LOXL2: variants seen among roughly 807,000 people sequenced by gnomAD.
The protein encoded by LOXL2 is lysyl oxidase homolog 2.
In LOXL2, 70 loss-of-function variants were observed where a neutral mutation model predicts 93.0. The observed-to-expected ratio is 0.75, with a 90% CI of 0.62 to 0.92. The LOEUF is 0.92. LOXL2 is among the 40% of genes least tolerant of loss of function. LOXL2 has a pLI of 0.00. For missense variants in LOXL2, 973 were observed against 1,054.9 expected (o/e 0.92, Z 1.08); for synonymous variants, 438 against 413.2 (o/e 1.06, Z -0.73).
chr8:23,342,056 G>A lies in LOXL2; in HGVS notation c.532-853C>T, dbSNP rs184214197. Among the ~76,000 whole-genome samples, 180 of 152,272 alleles carry A rather than the reference G, an allele frequency of 1.2e-3. 1 individual carries two copies. Among genetic ancestry groups the A allele is most frequent in the Middle Eastern group, 3.4e-3 (1 of 294 alleles). On this transcript the variant is annotated intron_variant, in intron 3 of 13. Transcript: ENST00000389131. ...GAAAGATTCATTGGCAGGGCCCTTT[G>A]GGAGGAAGTGGAGGAGGGCTGGAGG... is the stretch of plus-strand genomic sequence containing the variant.
At position 23,345,566 on chromosome 8, in the gene LOXL2, CTGAGTT is replaced by C. The variant is rs780188628; in HGVS notation, c.532-4369_532-4364del. 7.6e-4 allele frequency among the ~76,000 whole-genome samples: 116 copies of C among 152,356 alleles called. 2 individuals carry two copies. The highest frequency in any genetic ancestry group is 1.5e-3 in the Non-Finnish European group (100 of 68,038). On this transcript the variant is annotated intron_variant, in intron 3 of 13. Coordinates refer to ENST00000389131, the MANE Select transcript of LOXL2 (RefSeq NM_002318.3). ...ACACTAGCTAACCAGCTCATGGAGA[CTGAGTT>C]AGACCTCTTAGAAAACACGCCCACA... is the stretch of plus-strand genomic sequence containing the variant.
chr8:23,335,015 C>T (rs939985430), intron 4 of LOXL2, among the ~76,000 whole-genome samples: 4 of 152,068 alleles, frequency 2.6e-5, no homozygotes, highest in Non-Finnish European at 4.4e-5. Flanking sequence ...AGTGTTTCAC[C>T]GTGTTGCCAG....
At chr8:23,312,019 C>T (rs138581858) in intron 9 of LOXL2, among the ~76,000 whole-genome samples, 5,423 of 152,290 alleles carry the variant, frequency 0.036, 321 homozygotes, top group African/African-American at 0.12. Context: ...ATACTACAAA[C>T]ACCTCTACAC....
At chr8:23,376,780 G>T (rs555209527) in intron 1 of LOXL2, among the ~76,000 whole-genome samples, 1 of 152,142 alleles carries the variant, frequency 6.6e-6, no homozygotes, top group African/African-American at 2.4e-5. Flanking sequence ...GGGATCAGTG[G>T]CGATATCCCC....
At chr8:23,355,814 G>A (rs1804188413) in intron 3 of LOXL2, among the ~76,000 whole-genome samples, 1 of 151,442 alleles carries the variant, frequency 6.6e-6, no homozygotes, top group African/African-American at 2.4e-5. Flanking sequence ...TTGCCATATT[G>A]CCCAGGCTGG....
At chr8:23,396,258 C>T (rs750518115) in intron 1 of LOXL2, among the ~76,000 whole-genome samples, 2 of 151,972 alleles carry the variant, frequency 1.3e-5, no homozygotes, top group East Asian at 1.9e-4. Flanking sequence ...GTGGAGGTTG[C>T]GGTCAGCCAA....
chr8:23,323,177 C>T (rs1046947658), intron 6 of LOXL2, among the ~76,000 whole-genome samples: 1 of 152,192 alleles, frequency 6.6e-6, no homozygotes, highest in Non-Finnish European at 1.5e-5. Flanking sequence ...AAAAATGCAT[C>T]GGTGATGGTG....
chr8:23,403,593 C>A (rs975628311), intron 1 of LOXL2, among the ~76,000 whole-genome samples: 1 of 152,148 alleles, frequency 6.6e-6, no homozygotes, highest in African/African-American at 2.4e-5. Context: ...GAGACGCTGT[C>A]CCTGGAGCCA....
At chr8:23,329,925 C>A (rs1315575039) in intron 5 of LOXL2, among the ~76,000 whole-genome samples, 1 of 152,076 alleles carries the variant, frequency 6.6e-6, no homozygotes, top group Non-Finnish European at 1.5e-5. Flanking sequence ...GGGACAGCAC[C>A]CAGATTTACA....
chr8:23,354,803 G>A (rs538979989), intron 3 of LOXL2, among the ~76,000 whole-genome samples: 3 of 151,786 alleles, frequency 2.0e-5, no homozygotes, highest in African/African-American at 2.4e-5. Context: ...TGTCCAGTTC[G>A]TGCTTGAATT....
intron 2 of LOXL2, among the ~76,000 whole-genome samples, chr8:23,360,894 G>GT (rs532235380): frequency 9.2e-5 from 14 of 151,572 alleles, no homozygotes; most frequent in South Asian, 4.2e-4. Context: ...GGTTTGTGGG[G>GT]TTTTTTTTGT....
chr8:23,371,490 C>T (rs961827828), intron 1 of LOXL2, among the ~76,000 whole-genome samples: 3 of 152,046 alleles, frequency 2.0e-5, no homozygotes, highest in Non-Finnish European at 4.4e-5. Context: ...CAGTGGCTCA[C>T]GCCTGTAATC....
chr8:23,316,743 G>A (rs1018398403), intron 9 of LOXL2: 9 of 545,060 alleles, frequency 1.7e-5, no homozygotes, highest in Middle Eastern at 4.7e-4. Flanking sequence ...CCTCCCTCCC[G>A]CTTTTCTCCC....
chr8:23,328,733 G>GTGTGTGTGTT lies in LOXL2; in HGVS notation c.967-169_967-168insAACACACACA. On this transcript the variant is annotated intron_variant, in intron 5 of 13. Transcript: ENST00000389131. ...GATGTGTGTGTGTGTGTGTGTGTGT[G>GTGTGTGTGTT]TGTGTGTGTGTGTCGTGGGTGTGTT... The GTGTGTGTGTT allele has an allele frequency of 4.7e-6, 3 of 632,148 alleles. No homozygotes were observed. The South Asian group carries it at 5.6e-5, about 12-fold the overall frequency. 39.2% of individuals were successfully genotyped at this position (632,148 alleles called of 1,614,324 possible). A position where few individuals can be genotyped will look rare whatever the true frequency, so the allele number is the denominator to read the frequency against.
chr8:23,377,305 C>T (rs1804608836), intron 1 of LOXL2, among the ~76,000 whole-genome samples: 7 of 152,126 alleles, frequency 4.6e-5, no homozygotes. Flanking sequence ...GTCTGAGAGA[C>T]AGTTTGTTAT....
At chr8:23,400,857 T>C (rs1451629727) in intron 1 of LOXL2, among the ~76,000 whole-genome samples, 1 of 152,204 alleles carries the variant, frequency 6.6e-6, no homozygotes, top group African/African-American at 2.4e-5. Context: ...TCTGAGCCCT[T>C]ACAGTTTTGC....
At chr8:23,337,382 A>G (rs1328296564) in intron 4 of LOXL2, 8 of 152,214 alleles carry the variant, frequency 5.3e-5, no homozygotes, top group Non-Finnish European at 1.2e-4. Context: ...AGCTCCTTTC[A>G]TATATTTACT....
chr8:23,327,505 C>T (rs532424152), intron 6 of LOXL2, among the ~76,000 whole-genome samples: 273 of 152,268 alleles, frequency 1.8e-3, no homozygotes, highest in Non-Finnish European at 3.2e-3. Flanking sequence ...TGCTTCCTAC[C>T]TATCCCTTCC....
intron 9 of LOXL2, among the ~76,000 whole-genome samples, chr8:23,316,177 T>C (rs1803399280): frequency 6.6e-6 from 1 of 152,252 alleles, no homozygotes; most frequent in African/African-American, 2.4e-5. Flanking sequence ...TCTTTGTTTA[T>C]GAAGCCCTTG....
Sources: allele counts gnomAD v4.1 joint callset (sites outside exome capture counted in the v4.1 genomes callset), GRCh38; gene constraint gnomAD v4.1.1; transcripts MANE v1.5; gene names NCBI Gene and HGNC (gene_info 2026-07-23, HGNC 2026-07-21).